Variants in PHF24 observed in about 807,000 individuals in gnomAD.
The protein encoded by PHF24 is Galpha inhibitory interacting protein.
A neutral mutation model predicts 42.6 loss-of-function variants in PHF24; 25 were observed. The ratio of observed to expected loss-of-function variants is 0.59; its 90% CI spans 0.43 to 0.82. The LOEUF is 0.82. Among genes scored for constraint, PHF24 ranks in the 40% least tolerant of loss-of-function variants. The pLI, the probability that PHF24 is intolerant of heterozygous loss-of-function variation, is 0.00. For missense variants in PHF24, 470 were observed against 538.1 expected (o/e 0.87, Z 1.25); for synonymous variants, 185 against 204.8 (o/e 0.90, Z 0.83).
chr9:34,725,803 C>T, the PHF24 span: 8 of 1,548,718 alleles, frequency 5.2e-6, no homozygotes, highest in South Asian at 3.6e-5. Flanking sequence ...TTTTAGGGAG[C>T]AGTTGGGGGA....
At chr9:34,806,256 T>A in the PHF24 span, among the ~76,000 whole-genome samples, 1 of 152,200 alleles carries the variant, frequency 6.6e-6, no homozygotes, top group Non-Finnish European at 1.5e-5. Context: ...TAAAACAATG[T>A]CAGCTGGGAT....
At chr9:34,822,901 A>G in the PHF24 span, among the ~76,000 whole-genome samples, 55 of 152,298 alleles carry the variant, frequency 3.6e-4, no homozygotes, top group Non-Finnish European at 5.9e-4. Context: ...AGGAAGCAAA[A>G]AAAAAGATTG....
chr9:34,726,584 G>A, the PHF24 span: 2 of 1,551,904 alleles, frequency 1.3e-6, no homozygotes, highest in South Asian at 1.2e-5. Flanking sequence ...AGAAGCTATG[G>A]TGTTTGGGCC....
chr9:34,715,750 G>A, the PHF24 span, among the ~76,000 whole-genome samples: 558 of 152,310 alleles, frequency 3.7e-3, 4 homozygotes, highest in African/African-American at 0.013. Context: ...GATCCTGGGA[G>A]GGGGAGAGGA....
At chr9:34,893,075 AT>A in the PHF24 span, 1 of 970,938 alleles carries the variant, frequency 1.0e-6, no homozygotes, top group Non-Finnish European at 1.5e-6. Context: ...CTCCAGAGCC[AT>A]AACATTGCAG....
At chr9:34,756,411 A>G in the PHF24 span, among the ~76,000 whole-genome samples, 1 of 151,914 alleles carries the variant, frequency 6.6e-6, no homozygotes, top group Non-Finnish European at 1.5e-5. Flanking sequence ...ATTTTTTTGT[A>G]TGGTGAGTAT....
At chr9:34,915,460 T>C in the PHF24 span, among the ~76,000 whole-genome samples, 1 of 151,908 alleles carries the variant, frequency 6.6e-6, no homozygotes, top group Non-Finnish European at 1.5e-5. Flanking sequence ...CCTCATTTCA[T>C]ATTTTGAACA....
the PHF24 span, among the ~76,000 whole-genome samples, chr9:34,783,043 T>C: frequency 0.54 from 82,640 of 151,714 alleles, 24,000 homozygotes; most frequent in Middle Eastern, 0.65. Flanking sequence ...AGCATTGCTC[T>C]TGCCTCCAGA....
chr9:34,873,535 G>A, the PHF24 span, among the ~76,000 whole-genome samples: 2 of 151,522 alleles, frequency 1.3e-5, no homozygotes, highest in Non-Finnish European at 3.0e-5. Flanking sequence ...CATTATTTCT[G>A]AGGGCTCTGT....
At chr9:34,880,854 G>A in the PHF24 span, among the ~76,000 whole-genome samples, 1 of 152,156 alleles carries the variant, frequency 6.6e-6, no homozygotes, top group Non-Finnish European at 1.5e-5. Context: ...GCACCAAGCA[G>A]ACCTAATAGA....
the PHF24 span, among the ~76,000 whole-genome samples, chr9:34,806,475 T>C: frequency 2.6e-5 from 4 of 152,228 alleles, no homozygotes; most frequent in Admixed American, 1.3e-4. Flanking sequence ...TGTGCTTTTC[T>C]TGAGACAGAG....
the PHF24 span, among the ~76,000 whole-genome samples, chr9:34,936,572 C>T: frequency 6.6e-6 from 1 of 151,052 alleles, no homozygotes; most frequent in Non-Finnish European, 1.5e-5. Context: ...GCTGCCCAGT[C>T]TGGAAAGTGA....
the PHF24 span, among the ~76,000 whole-genome samples, chr9:34,735,138 T>C: frequency 1.7e-3 from 254 of 146,270 alleles, 5 homozygotes; most frequent in East Asian, 0.042. Context: ...TTTTTCTTTT[T>C]TTTTTTTTTT....
At chr9:34,751,198 C>G in the PHF24 span, among the ~76,000 whole-genome samples, 2 of 141,880 alleles carry the variant, frequency 1.4e-5, no homozygotes, top group Non-Finnish European at 3.2e-5. Context: ...AACCCCACCT[C>G]TACTAAAAAT....
the PHF24 span, among the ~76,000 whole-genome samples, chr9:34,905,296 G>A: frequency 6.6e-6 from 1 of 152,148 alleles, no homozygotes; most frequent in Non-Finnish European, 1.5e-5. Flanking sequence ...TCCTACCAGA[G>A]GAGAACAAGC....
At chr9:34,893,092 G>A in the PHF24 span, 1 of 926,282 alleles carries the variant, frequency 1.1e-6, no homozygotes, top group Non-Finnish European at 1.6e-6. Context: ...TGCAGATTTG[G>A]CAGCAGGGGT....
chr9:34,897,636 G>T, the PHF24 span, among the ~76,000 whole-genome samples: 13 of 152,296 alleles, frequency 8.5e-5, no homozygotes, highest in Admixed American at 5.2e-4. Context: ...TTCTAAAAAT[G>T]ATTTGACAAA....
At chr9:34,689,833 G>T in the PHF24 span, 2 of 1,614,130 alleles carry the variant, frequency 1.2e-6, no homozygotes, top group Non-Finnish European at 1.7e-6. The surrounding 1 kb of genome is among the most constrained non-coding windows in gnomAD (Gnocchi z 4.1). Context: ...CTGCTGCGGC[G>T]CTTCATCTAG....
chr9:34,935,038 G>C, the PHF24 span, among the ~76,000 whole-genome samples: 1 of 152,198 alleles, frequency 6.6e-6, no homozygotes, highest in Non-Finnish European at 1.5e-5. Flanking sequence ...AACATTTAGA[G>C]ATGAGAAATA....
Sources: gnomAD v4.1 joint callset for allele counts (sites outside exome capture counted in the v4.1 genomes callset) on GRCh38, gnomAD v4.1.1 for gene constraint, Gnocchi (gnomAD v3.1) non-coding constraint, MANE v1.5 for transcripts, NCBI Gene and HGNC (gene_info 2026-07-23, HGNC 2026-07-21) for gene names.